The following SULT2B1 variants were observed in gnomAD, a reference collection of about 807,000 sequenced individuals.
SULT2B1 encodes the protein sulfotransferase family 2B member 1, also known as sulfotransferase 2B1.
In SULT2B1, 16 loss-of-function variants were observed where a neutral mutation model predicts 33.2. The ratio of observed to expected loss-of-function variants is 0.48; its 90% CI spans 0.33 to 0.73. The LOEUF is 0.73. Among genes scored for constraint, SULT2B1 ranks in the 30% least tolerant of loss-of-function variants. The probability of loss-of-function intolerance (pLI) is 0.02; values close to 1 mark genes in which losing one functional copy is unlikely to be tolerated. For missense variants in SULT2B1, 500 were observed against 506.0 expected (o/e 0.99, Z 0.11); for synonymous variants, 186 against 200.5 (o/e 0.93, Z 0.61).
intron 1 of SULT2B1, among the ~76,000 whole-genome samples, chr19:48,562,983 A>G (rs1389045078): frequency 6.6e-6 from 1 of 152,044 alleles, no homozygotes; most frequent in Non-Finnish European, 1.5e-5. Flanking sequence ...ACCAGCTGAT[A>G]TTTATATAGA....
At chr19:48,561,323 C>T (rs550615821) in intron 1 of SULT2B1, among the ~76,000 whole-genome samples, 5 of 148,076 alleles carry the variant, frequency 3.4e-5, no homozygotes, top group African/African-American at 1.0e-4. Flanking sequence ...AGCTACTCTG[C>T]GAGGCTGAGG....
chr19:48,581,887 ATTATATTATT>A (rs986175063), intron 2 of SULT2B1, among the ~76,000 whole-genome samples: 48 of 104,568 alleles, frequency 4.6e-4, no homozygotes, highest in African/African-American at 2.0e-3. Context: ...TATTATTATT[ATTATATTATT>A]ATTATTATTA....
chr19:48,578,434 T>G (rs1401056470), intron 2 of SULT2B1, among the ~76,000 whole-genome samples: 1 of 151,800 alleles, frequency 6.6e-6, no homozygotes, highest in African/African-American at 2.4e-5. Context: ...ATACAAAAAT[T>G]AGCCAGGCAC....
intron 1 of SULT2B1, among the ~76,000 whole-genome samples, chr19:48,562,399 A>G (rs1250005506): frequency 6.6e-6 from 1 of 151,774 alleles, no homozygotes; most frequent in Non-Finnish European, 1.5e-5. Context: ...AAAAAAAAAA[A>G]AATTAGCAAA....
chr19:48,554,742 C>A (rs1411182097), intron 1 of SULT2B1, among the ~76,000 whole-genome samples: 1 of 135,538 alleles, frequency 7.4e-6, no homozygotes, highest in Non-Finnish European at 1.5e-5. Context: ...CGGCTCACTG[C>A]AACCTCCGCC....
chr19:48,560,587 CAAAA>C (rs1293407702), intron 1 of SULT2B1, among the ~76,000 whole-genome samples: 1 of 151,078 alleles, frequency 6.6e-6, no homozygotes, highest in Non-Finnish European at 1.5e-5. Context: ...TTTAAAAAAA[CAAAA>C]GAAACAAGTG....
chr19:48,597,155 G>T (rs1601115947), intron 6 of SULT2B1, among the ~76,000 whole-genome samples: 1 of 152,092 alleles, frequency 6.6e-6, no homozygotes. Context: ...ACATCCAGGA[G>T]TACTGCCAAC....
chr19:48,556,426 C>T (rs568244204), intron 1 of SULT2B1, among the ~76,000 whole-genome samples: 15 of 151,762 alleles, frequency 9.9e-5, no homozygotes, highest in Non-Finnish European at 1.9e-4. Context: ...GGTTAGCAGA[C>T]GGGGAGGAGG....
chr19:48,561,766 C>T (rs1268194237), intron 1 of SULT2B1, among the ~76,000 whole-genome samples: 1 of 152,138 alleles, frequency 6.6e-6, no homozygotes, highest in Non-Finnish European at 1.5e-5. Context: ...TGTTCCCCAT[C>T]AGGCAGATGT....
chr19:48,587,166 CTGA>C (rs1281561897), intron 2 of SULT2B1, 60 bp from the exon 3 acceptor site: 29 of 1,207,506 alleles, frequency 2.4e-5, no homozygotes, highest in Non-Finnish European at 3.2e-5. Context: ...TGTGATTATT[CTGA>C]TGATATCTCC....
intron 2 of SULT2B1, among the ~76,000 whole-genome samples, chr19:48,578,530 C>A (rs73050976): frequency 6.6e-6 from 1 of 151,726 alleles, no homozygotes. Context: ...TGCAGTGAGA[C>A]GCGTTCACCC....
In SULT2B1 at chr19:48,579,283, C is replaced by CT. The variant is rs142498510; in HGVS notation, c.214+3217dup. ...CTGCTACGAACATTGCATGCAAGTT[C>CT]TTTTTTTTTTTTTTTTTGAGACGGA... On this transcript the variant is annotated intron_variant, in intron 2 of 6. Transcript: ENST00000201586. 4.6e-3 allele frequency among the ~76,000 whole-genome samples: 634 copies of CT among 136,650 alleles called. 4 individuals carry two copies. Among genetic ancestry groups the CT allele is most frequent in the Middle Eastern group, 7.5e-3 (2 of 266 alleles). 89.6% of individuals were successfully genotyped at this position (136,650 alleles called of 152,430 possible).
intron 1 of SULT2B1, among the ~76,000 whole-genome samples, chr19:48,561,096 G>A (rs550682396): frequency 6.6e-6 from 1 of 152,018 alleles, no homozygotes; most frequent in South Asian, 2.1e-4. Context: ...TCGCACCACT[G>A]CACTCCAGCC....
At chr19:48,597,044 T>C (rs1973727133) in intron 6 of SULT2B1, 125 bp downstream of exon 6, 1 of 1,128,006 alleles carries the variant, frequency 8.9e-7, no homozygotes, top group Non-Finnish European at 1.2e-6. Flanking sequence ...ACAGGGTCAC[T>C]GTGGCCCCAG....
intron 4 of SULT2B1, among the ~76,000 whole-genome samples, chr19:48,592,383 G>A (rs10423750): frequency 0.016 from 2,426 of 152,276 alleles, 57 homozygotes; most frequent in African/African-American, 0.056. Context: ...GAAACAGGAG[G>A]AGACAGGCCC....
chr19:48,591,892 G>GAA, intron 4 of SULT2B1, among the ~76,000 whole-genome samples, 157 bp downstream of exon 4: 1 of 107,272 alleles, frequency 9.3e-6, no homozygotes, highest in Non-Finnish European at 2.0e-5. Flanking sequence ...CAGGAGAAGA[G>GAA]ACGGAGGGAG....
intron 1 of SULT2B1, among the ~76,000 whole-genome samples, chr19:48,570,202 G>A (rs1399441089): frequency 6.7e-6 from 1 of 149,752 alleles, no homozygotes; most frequent in Non-Finnish European, 1.5e-5. Flanking sequence ...TTTCTGAGGC[G>A]GAGTTTCACT....
chr19:48,593,893 CA>C (rs998177089), intron 5 of SULT2B1, among the ~76,000 whole-genome samples: 5 of 151,614 alleles, frequency 3.3e-5, no homozygotes, highest in South Asian at 2.1e-4. Flanking sequence ...CTCGGCCTCC[CA>C]AAGTTTTTAT....
At chr19:48,563,893 A>C (rs1441320031) in intron 1 of SULT2B1, among the ~76,000 whole-genome samples, 1 of 150,992 alleles carries the variant, frequency 6.6e-6, no homozygotes, top group Non-Finnish European at 1.5e-5. Flanking sequence ...TGAACATGGG[A>C]GGCAAGGTTG....
Sources: gnomAD v4.1 joint callset for allele counts (sites outside exome capture counted in the v4.1 genomes callset) on GRCh38, gnomAD v4.1.1 for gene constraint, MANE v1.5 for transcripts, NCBI Gene and HGNC (gene_info 2026-07-23, HGNC 2026-07-21) for gene names.